DPP6: variants seen among roughly 807,000 people sequenced by gnomAD.
DPP6 encodes dipeptidyl peptidase like 6, also known as A-type potassium channel modulatory protein DPP6.
Under a neutral mutation model 122.6 loss-of-function variants are expected in DPP6, and 69 were observed. The observed-to-expected ratio is 0.56, with a 90% CI of 0.46 to 0.69. DPP6 has a LOEUF of 0.69. Among genes scored for constraint, DPP6 ranks in the 30% least tolerant of loss-of-function variants. DPP6 has a pLI of 0.00. For synonymous variants in DPP6, 418 were observed against 433.1 expected (o/e 0.97, Z 0.43); for missense variants, 928 against 1,116.9 (o/e 0.83, Z 2.41).
chr7:153,902,628 A>G (rs1360373601), intron 1 of DPP6, among the ~76,000 whole-genome samples: 2 of 152,124 alleles, frequency 1.3e-5, no homozygotes, highest in East Asian at 3.9e-4. Context: ...TGAGGTCAGG[A>G]GTTCGAGACC....
chr7:153,995,832 A>T (rs1377647422), intron 1 of DPP6, among the ~76,000 whole-genome samples: 1 of 152,204 alleles, frequency 6.6e-6, no homozygotes, highest in Non-Finnish European at 1.5e-5. Flanking sequence ...TACCTTCAAG[A>T]CCTGGATGAA....
chr7:154,311,242 GC>G (rs1222435045), intron 1 of DPP6, among the ~76,000 whole-genome samples: 2 of 152,154 alleles, frequency 1.3e-5, no homozygotes, highest in Non-Finnish European at 2.9e-5. Context: ...GCTCATACCT[GC>G]AGTCTTTGGG....
intron 1 of DPP6, among the ~76,000 whole-genome samples, chr7:154,191,556 T>C (rs1212009698): frequency 6.6e-6 from 1 of 152,222 alleles, no homozygotes; most frequent in Non-Finnish European, 1.5e-5. Context: ...CTGAAGCATC[T>C]AGGCCAAGGA....
intron 1 of DPP6, among the ~76,000 whole-genome samples, chr7:154,034,162 T>G (rs1382357664): frequency 6.6e-6 from 1 of 152,226 alleles, no homozygotes; most frequent in Non-Finnish European, 1.5e-5. Context: ...GCTGAATTTG[T>G]TCCTTCTAGG....
Position 154,446,300 on chromosome 7 carries a change from C to T in DPP6, c.330C>T (p.Ile110=), listed in dbSNP as rs1337484950. Residue 110 remains isoleucine (I), a synonymous_variant, in exon 2 of 26, where the codon ATC becomes ATT. Coordinates refer to ENST00000377770, the MANE Select transcript of DPP6 (RefSeq NM_130797.4). ...LLVILVICSL[I]VTSVILLTPA... is the part of the protein sequence containing the mutation. ...TCATTCTGGTCATCTGCTCCTTGATCGTCACCTCGGTCATACTTCTGACAC... is the reference window on the plus strand; with the variant it reads ...TCATTCTGGTCATCTGCTCCTTGATTGTCACCTCGGTCATACTTCTGACAC... 11 of 1,611,908 alleles carry T rather than the reference C, an allele frequency of 6.8e-6. No homozygotes were observed. The highest frequency in any genetic ancestry group is 3.3e-5 in the Admixed American group (2 of 59,762).
chr7:154,327,759 C>T (rs1404313182), intron 1 of DPP6, among the ~76,000 whole-genome samples: 2 of 152,234 alleles, frequency 1.3e-5, no homozygotes, highest in African/African-American at 4.8e-5. Context: ...CACATTCTTT[C>T]CTCTATTATG....
chr7:154,748,660 G>C (rs577155938), intron 8 of DPP6, among the ~76,000 whole-genome samples: 1 of 152,194 alleles, frequency 6.6e-6, no homozygotes, highest in African/African-American at 2.4e-5. Flanking sequence ...GGAGTTTCTC[G>C]CGCATGGCGG....
At chr7:154,629,340 C>T (rs1242136580) in intron 5 of DPP6, among the ~76,000 whole-genome samples, 2 of 151,854 alleles carry the variant, frequency 1.3e-5, no homozygotes, top group African/African-American at 4.8e-5. Flanking sequence ...TATTTTTTTC[C>T]TTCAGGTTTT....
At chr7:154,696,646 C>T (rs1197338340) in intron 7 of DPP6, among the ~76,000 whole-genome samples, 1 of 152,216 alleles carries the variant, frequency 6.6e-6, no homozygotes, top group East Asian at 1.9e-4. Context: ...TGGGCTCTGT[C>T]CTGTTGGGCA....
At chr7:154,623,682 T>C (rs62477231) in intron 5 of DPP6, among the ~76,000 whole-genome samples, 1 of 149,768 alleles carries the variant, frequency 6.7e-6, no homozygotes, top group Non-Finnish European at 1.5e-5. Context: ...CACACGCACA[T>C]GCACACACAG....
intron 1 of DPP6, among the ~76,000 whole-genome samples, chr7:154,442,759 C>T (rs1242902053): frequency 6.6e-6 from 1 of 152,072 alleles, no homozygotes; most frequent in Non-Finnish European, 1.5e-5. Flanking sequence ...GTCTGTATGA[C>T]CTTCTCAGAA....
chr7:154,060,175 A>G (rs1290429390), intron 1 of DPP6, among the ~76,000 whole-genome samples: 3 of 136,920 alleles, frequency 2.2e-5, no homozygotes, highest in Non-Finnish European at 3.1e-5. Flanking sequence ...GCAGGGGGGG[A>G]GGCACCCCTC....
chr7:153,757,558 G>T, the DPP6 span, among the ~76,000 whole-genome samples: 1 of 152,142 alleles, frequency 6.6e-6, no homozygotes, highest in Non-Finnish European at 1.5e-5. Flanking sequence ...GTGTCAGGTG[G>T]GTGGGCACCG....
chr7:154,847,663 T>C (rs1802052063), intron 16 of DPP6, among the ~76,000 whole-genome samples: 1 of 152,224 alleles, frequency 6.6e-6, no homozygotes, highest in Non-Finnish European at 1.5e-5. Flanking sequence ...TCATTCTTTG[T>C]GGTGAAAACA....
the DPP6 span, among the ~76,000 whole-genome samples, chr7:153,782,452 A>T: frequency 6.6e-6 from 1 of 152,174 alleles, no homozygotes; most frequent in African/African-American, 2.4e-5. Context: ...CATCACAGAG[A>T]AAGAGAGCAG....
chr7:154,698,396 T>C (rs1840335913), intron 7 of DPP6, among the ~76,000 whole-genome samples: 1 of 152,200 alleles, frequency 6.6e-6, no homozygotes, highest in Non-Finnish European at 1.5e-5. Context: ...AACACTTTTT[T>C]ATATACACTT....
At chr7:154,277,483 G>A (rs2150944269) in intron 1 of DPP6, among the ~76,000 whole-genome samples, 1 of 152,338 alleles carries the variant, frequency 6.6e-6, no homozygotes, top group East Asian at 1.9e-4. Flanking sequence ...AAGATGGAAG[G>A]CTGGGCATGG....
chr7:154,176,357 G>T (rs1797802166), intron 1 of DPP6, among the ~76,000 whole-genome samples: 2 of 152,202 alleles, frequency 1.3e-5, no homozygotes, highest in South Asian at 4.1e-4. Flanking sequence ...ACAAACATTT[G>T]AAACCCACTG....
intron 2 of DPP6, among the ~76,000 whole-genome samples, chr7:154,473,721 G>A (rs891901567): frequency 3.3e-5 from 5 of 152,200 alleles, no homozygotes; most frequent in Admixed American, 2.0e-4. Context: ...ATTAAAAGAG[G>A]CAAATGGTTC....
Sources: gnomAD v4.1 joint callset for allele counts (sites outside exome capture counted in the v4.1 genomes callset) on GRCh38, gnomAD v4.1.1 for gene constraint, MANE v1.5 for transcripts, NCBI Gene and HGNC (gene_info 2026-07-23, HGNC 2026-07-21) for gene names.